Variants in ASIC2 observed in about 807,000 individuals in gnomAD.
ASIC2 encodes acid-sensing ion channel 2.
In ASIC2, 25 loss-of-function variants were observed where a neutral mutation model predicts 57.3. The ratio of observed to expected loss-of-function variants is 0.44; its 90% CI spans 0.32 to 0.61. ASIC2 has a LOEUF of 0.61. Ranked by LOEUF, ASIC2 falls within the 20% of genes least tolerant of loss-of-function variation. The probability of loss-of-function intolerance (pLI) is 0.06; values close to 1 mark genes in which losing one functional copy is unlikely to be tolerated. For missense variants in ASIC2, 641 were observed against 738.1 expected (o/e 0.87, Z 1.52); for synonymous variants, 319 against 307.5 (o/e 1.04, Z -0.39).
chr17:33,312,328 T>C (rs765328721), intron 1 of ASIC2, among the ~76,000 whole-genome samples: 3 of 152,230 alleles, frequency 2.0e-5, no homozygotes, highest in Admixed American at 1.3e-4. Context: ...GGAAGTATCA[T>C]GGTGTCCAGG....
intron 1 of ASIC2, among the ~76,000 whole-genome samples, chr17:33,522,795 G>A (rs1191659395): frequency 1.3e-5 from 2 of 152,168 alleles, no homozygotes; most frequent in African/African-American, 4.8e-5. Context: ...ACAGACACAC[G>A]AGAGCGCCAC....
chr17:33,620,580 T>C (rs1395318397), intron 1 of ASIC2, among the ~76,000 whole-genome samples: 1 of 152,206 alleles, frequency 6.6e-6, no homozygotes, highest in African/African-American at 2.4e-5. Context: ...ATTTTAGAGC[T>C]TCCCCATAAA....
At chr17:33,029,412 A>G (rs1450122325) in intron 3 of ASIC2, among the ~76,000 whole-genome samples, 1 of 152,174 alleles carries the variant, frequency 6.6e-6, no homozygotes, top group Non-Finnish European at 1.5e-5. Context: ...CTTTCACTCA[A>G]CATAGTGTCT....
intron 1 of ASIC2, among the ~76,000 whole-genome samples, chr17:33,889,417 C>T (rs1261276232): frequency 6.6e-6 from 1 of 152,082 alleles, no homozygotes; most frequent in Non-Finnish European, 1.5e-5. Context: ...ATAAGGAGTA[C>T]CTGCAATCTC....
chr17:33,949,203 G>A (rs1208453530), intron 1 of ASIC2, among the ~76,000 whole-genome samples: 1 of 152,110 alleles, frequency 6.6e-6, no homozygotes, highest in Non-Finnish European at 1.5e-5. Flanking sequence ...CAGCGTAATA[G>A]GAATCCTTTG....
At chr17:34,040,374 G>T (rs1908079951) in intron 1 of ASIC2, among the ~76,000 whole-genome samples, 1 of 134,338 alleles carries the variant, frequency 7.4e-6, no homozygotes, top group African/African-American at 3.1e-5. Context: ...GTGTTTCCTC[G>T]CGAGATTTGC....
rs78171780 is a variant in ASIC2, at chr17:33,845,408, C to T, written c.555+310570G>A. On this transcript the variant is annotated intron_variant, in intron 1 of 9. Coordinates refer to the ASIC2 transcript ENST00000359872. The stretch of plus-strand genomic sequence containing the variant: ...ATTGAGTGAAGGGTGCACCTGTAAA[C>T]GCAGCATTGAACTTGGAGGTATGCA... 8.6e-3 allele frequency among the ~76,000 whole-genome samples: 1,308 copies of T among 152,108 alleles called. 20 individuals carry two copies. Among genetic ancestry groups the T allele is most frequent in the African/African-American group, 0.03 (1,224 of 41,442 alleles).
intron 1 of ASIC2, among the ~76,000 whole-genome samples, chr17:33,328,014 A>C (rs1421746075): frequency 6.6e-6 from 1 of 152,236 alleles, no homozygotes; most frequent in East Asian, 1.9e-4. Context: ...CAAAGAAAGA[A>C]GCAATTCCTT....
At chr17:33,994,032 C>A (rs1316015660) in intron 1 of ASIC2, among the ~76,000 whole-genome samples, 1 of 152,102 alleles carries the variant, frequency 6.6e-6, no homozygotes, top group Non-Finnish European at 1.5e-5. Flanking sequence ...GAGCCCAGAA[C>A]AGCGCTCCAA....
chr17:33,549,406 G>A (rs1460314666), intron 1 of ASIC2, among the ~76,000 whole-genome samples: 2 of 152,080 alleles, frequency 1.3e-5, no homozygotes, highest in African/African-American at 2.4e-5. Context: ...CAATTCTAGG[G>A]TTCTCAAGAA....
chr17:33,180,701 T>A (rs762403995), intron 1 of ASIC2, among the ~76,000 whole-genome samples: 1 of 152,202 alleles, frequency 6.6e-6, no homozygotes, highest in African/African-American at 2.4e-5. Context: ...TGTCATCTAT[T>A]TGGGGACCCT....
intron 1 of ASIC2, among the ~76,000 whole-genome samples, chr17:33,732,216 T>C (rs1413156477): frequency 6.6e-6 from 1 of 152,222 alleles, no homozygotes; most frequent in East Asian, 1.9e-4. Context: ...GGAAGCAAGC[T>C]GAACACATAA....
intron 1 of ASIC2, among the ~76,000 whole-genome samples, chr17:33,770,795 T>C (rs1411746821): frequency 6.6e-6 from 1 of 152,182 alleles, no homozygotes. Flanking sequence ...GGGCTGGTTT[T>C]TCAATTTCCC....
chr17:33,746,321 T>C (rs1391350930), intron 1 of ASIC2, among the ~76,000 whole-genome samples: 4 of 149,724 alleles, frequency 2.7e-5, no homozygotes, highest in South Asian at 2.1e-4. Flanking sequence ...TGTACACATA[T>C]ATACATATAT....
intron 1 of ASIC2, among the ~76,000 whole-genome samples, chr17:33,614,000 G>A (rs191208670): frequency 3.9e-5 from 6 of 152,260 alleles, no homozygotes; most frequent in Admixed American, 2.6e-4. Context: ...TTCTTGGGTT[G>A]AATGGGATGC....
chr17:33,146,484 A>T (rs1904569484), intron 1 of ASIC2, among the ~76,000 whole-genome samples: 2 of 152,188 alleles, frequency 1.3e-5, no homozygotes, highest in Admixed American at 1.3e-4. Context: ...CTCTGACTCA[A>T]CTTCCTACTA....
At chr17:33,041,863 C>T (rs1239799128) in intron 3 of ASIC2, among the ~76,000 whole-genome samples, 1 of 152,234 alleles carries the variant, frequency 6.6e-6, no homozygotes, top group Non-Finnish European at 1.5e-5. Flanking sequence ...TGTGCCCCAT[C>T]TGTAAGGGGC....
chr17:33,843,481 G>A (rs759899927), intron 1 of ASIC2, among the ~76,000 whole-genome samples: 18 of 152,124 alleles, frequency 1.2e-4, no homozygotes, highest in Non-Finnish European at 8.8e-5. Context: ...TTTACATATA[G>A]TAAGAAGAGT....
chr17:34,040,053 C>T (rs942484846), intron 1 of ASIC2, among the ~76,000 whole-genome samples: 3 of 146,404 alleles, frequency 2.0e-5, no homozygotes, highest in Non-Finnish European at 3.0e-5. Context: ...CACGAGAGGG[C>T]GGGCGGGGGA....
Sources: allele counts gnomAD v4.1 joint callset (sites outside exome capture counted in the v4.1 genomes callset), GRCh38; gene constraint gnomAD v4.1.1; transcripts MANE v1.5; gene names NCBI Gene and HGNC (gene_info 2026-07-23, HGNC 2026-07-21).